KIAA0825: variants seen among roughly 807,000 people sequenced by gnomAD.
KIAA0825 encodes KIAA0825.
In KIAA0825, 119 loss-of-function variants were observed where a neutral mutation model predicts 147.6. The observed-to-expected ratio is 0.81, with a 90% CI of 0.69 to 0.94. KIAA0825 has a LOEUF of 0.94. KIAA0825 is among the 40% of genes least tolerant of loss of function. The pLI is 0.00. For missense variants in KIAA0825, 1,381 were observed against 1,472.7 expected (o/e 0.94, Z 1.02); for synonymous variants, 470 against 518.1 (o/e 0.91, Z 1.26).
intron 20 of KIAA0825, among the ~76,000 whole-genome samples, chr5:94,251,909 C>CT (rs1398211443): frequency 6.6e-6 from 1 of 151,868 alleles, no homozygotes; most frequent in African/African-American, 2.4e-5. Flanking sequence ...GTACCACTCT[C>CT]TAAGTATATT....
At chr5:94,539,675 A>G (rs898522963) in intron 2 of KIAA0825, among the ~76,000 whole-genome samples, 18 of 152,120 alleles carry the variant, frequency 1.2e-4, no homozygotes, top group Non-Finnish European at 1.9e-4. Context: ...GGCTCAACTT[A>G]GGGGAGTCAG....
At chr5:94,601,524 G>A (rs1786448068) in intron 1 of KIAA0825, among the ~76,000 whole-genome samples, 2 of 152,178 alleles carry the variant, frequency 1.3e-5, no homozygotes, top group African/African-American at 2.4e-5. Context: ...CACCTTTCCA[G>A]CAAGGTTTTG....
intron 20 of KIAA0825, among the ~76,000 whole-genome samples, chr5:94,329,980 A>G (rs1781100163): frequency 6.6e-6 from 1 of 151,792 alleles, no homozygotes; most frequent in Non-Finnish European, 1.5e-5. Flanking sequence ...GGGTACAAAC[A>G]TACAGTAAGA....
intron 6 of KIAA0825, among the ~76,000 whole-genome samples, chr5:94,477,683 C>G (rs530619670): frequency 6.6e-6 from 1 of 152,010 alleles, no homozygotes; most frequent in Admixed American, 6.5e-5. Flanking sequence ...ATCAGCATAA[C>G]GAGAAAAATT....
At position 94,577,104 on chromosome 5, in the gene KIAA0825, T is replaced by C. The variant is rs556707305; in HGVS notation, c.-2+5329A>G. 5.2e-4 allele frequency among the ~76,000 whole-genome samples: 79 copies of C among 152,352 alleles called. No individual in the cohort carries two copies. The South Asian group carries it at 0.012, about 23-fold the overall frequency. On this transcript the variant is annotated intron_variant, in intron 2 of 20. Coordinates refer to ENST00000682413, the MANE Select transcript of KIAA0825 (RefSeq NM_001145678.3). ...ATTTTTTCATTTTTTTCCTTTTTAA[T>C]ACTGCCTATAGCTTCTAAGTTGATT...
chr5:94,280,913 CAAG>C (rs1280113251), intron 20 of KIAA0825, among the ~76,000 whole-genome samples: 1 of 151,936 alleles, frequency 6.6e-6, no homozygotes, highest in Non-Finnish European at 1.5e-5. Flanking sequence ...GTGTTTTGAG[CAAG>C]AAGTATAATT....
chr5:94,166,422 C>T (rs1042373038), intron 20 of KIAA0825, among the ~76,000 whole-genome samples: 8 of 151,042 alleles, frequency 5.3e-5, no homozygotes, highest in Non-Finnish European at 7.4e-5. Context: ...GCAGGAAATA[C>T]GTAATTCAGG....
chr5:94,257,749 G>T (rs776357897), intron 20 of KIAA0825, among the ~76,000 whole-genome samples: 4 of 152,044 alleles, frequency 2.6e-5, no homozygotes, highest in Non-Finnish European at 5.9e-5. Flanking sequence ...AAAAGGACGT[G>T]ATATTCTCAG....
chr5:94,258,999 A>G (rs1776369864), intron 20 of KIAA0825, among the ~76,000 whole-genome samples: 1 of 152,038 alleles, frequency 6.6e-6, no homozygotes, highest in Admixed American at 6.6e-5. Flanking sequence ...AAAATGCTGA[A>G]TTGTTCATGT....
chr5:94,484,091 A>C (rs1449827846), intron 6 of KIAA0825, among the ~76,000 whole-genome samples: 1 of 151,686 alleles, frequency 6.6e-6, no homozygotes, highest in Non-Finnish European at 1.5e-5. Flanking sequence ...TTTTACCTTT[A>C]ATGTTGGAAA....
chr5:94,328,194 G>A (rs1429700409), intron 20 of KIAA0825, among the ~76,000 whole-genome samples: 3 of 151,834 alleles, frequency 2.0e-5, no homozygotes. Context: ...GCATTTAAAG[G>A]CATTTTTATG....
intron 7 of KIAA0825, 127 bp from the exon 8 acceptor site, chr5:94,473,646 C>T: frequency 1.5e-6 from 1 of 660,868 alleles, no homozygotes; most frequent in Non-Finnish European, 2.5e-6. Context: ...ACTGTAAAAG[C>T]CATTCTTACA....
At chr5:94,313,608 G>C (rs1235645912) in intron 20 of KIAA0825, among the ~76,000 whole-genome samples, 1 of 64,600 alleles carries the variant, frequency 1.5e-5, no homozygotes, top group Non-Finnish European at 2.8e-5. Context: ...TTTTGAATAA[G>C]GGAGGTTTCT....
intron 20 of KIAA0825, among the ~76,000 whole-genome samples, chr5:94,331,743 A>ACT (rs1173009914): frequency 6.6e-6 from 1 of 152,194 alleles, no homozygotes; most frequent in Non-Finnish European, 1.5e-5. Context: ...ATAACTCATT[A>ACT]TATTAACAAG....
At chr5:94,226,838 C>T (rs1264474132) in intron 20 of KIAA0825, among the ~76,000 whole-genome samples, 7 of 152,000 alleles carry the variant, frequency 4.6e-5, no homozygotes, top group Non-Finnish European at 8.8e-5. Flanking sequence ...AAATCAAAAC[C>T]ACAATGAGAT....
intron 20 of KIAA0825, among the ~76,000 whole-genome samples, chr5:94,361,849 C>T (rs1745107833): frequency 6.6e-6 from 1 of 152,286 alleles, no homozygotes; most frequent in Admixed American, 6.5e-5. Context: ...AACACACAGA[C>T]TTGGAAGCAT....
At chr5:94,196,994 T>G (rs904372311) in intron 20 of KIAA0825, among the ~76,000 whole-genome samples, 1 of 152,226 alleles carries the variant, frequency 6.6e-6, no homozygotes, top group Non-Finnish European at 1.5e-5. Flanking sequence ...AGGAATGGGA[T>G]TGCTAAGTTC....
chr5:94,537,470 T>C (rs1252729689), intron 2 of KIAA0825, among the ~76,000 whole-genome samples: 1 of 151,898 alleles, frequency 6.6e-6, no homozygotes, highest in East Asian at 1.9e-4. Flanking sequence ...GCTAACATGA[T>C]GAAACCCGGT....
At chr5:94,331,227 AAAC>A (rs1434289151) in intron 20 of KIAA0825, among the ~76,000 whole-genome samples, 7 of 152,060 alleles carry the variant, frequency 4.6e-5, no homozygotes, top group African/African-American at 1.4e-4. Context: ...AAAAGAAAGA[AAAC>A]AAGGAAAAGG....
Sources: allele counts gnomAD v4.1 joint callset (sites outside exome capture counted in the v4.1 genomes callset), GRCh38; gene constraint gnomAD v4.1.1; transcripts MANE v1.5; gene names NCBI Gene and HGNC (gene_info 2026-07-23, HGNC 2026-07-21).